The following C16orf87 variants were observed in gnomAD, a reference collection of about 807,000 sequenced individuals.
C16orf87 encodes the protein UPF0547 protein C16orf87.
In C16orf87, 13 loss-of-function variants were observed where a neutral mutation model predicts 21.0. That is an observed-to-expected ratio of 0.62 (90% CI 0.40 to 0.98). C16orf87 has a LOEUF of 0.98. C16orf87 is among the 50% of genes least tolerant of loss of function. C16orf87 has a pLI of 0.00. For missense variants in C16orf87, 113 were observed against 180.4 expected (o/e 0.63, Z 2.14); for synonymous variants, 49 against 60.2 (o/e 0.81, Z 0.86).
rs923428798 is a variant in C16orf87 at position 46,803,188 on chromosome 16, C to T, written c.347-118G>A. The T allele has an allele frequency of 1.1e-5, 5 of 472,458 alleles. No homozygotes were observed. In the East Asian group the frequency reaches 1.7e-4, roughly 16 times the overall value. The allele number at this position is 472,458 out of a possible 1,614,324, so 29.3% of individuals were successfully genotyped here. A position where few individuals can be genotyped will look rare whatever the true frequency, so the allele number is the denominator to read the frequency against. On this transcript the variant is annotated intron_variant, in intron 3 of 3. Transcript: ENST00000285697. ...GTATTATATATAATACTACAATATA[C>T]ATTAAATGTTACTATGCTACTGAAC...
chr16:46,829,919 CTCT>C (rs1440141097), intron 1 of C16orf87, among the ~76,000 whole-genome samples: 1 of 134,296 alleles, frequency 7.4e-6, no homozygotes, highest in Non-Finnish European at 1.5e-5. Context: ...TTTCAAATTA[CTCT>C]TGATTTAAAA....
rs1357028450 is a variant in C16orf87, at chr16:46,813,837, A to G, written c.164-4052T>C. Among the ~76,000 whole-genome samples the G allele has an allele frequency of 2.6e-5, 4 of 152,200 alleles. No homozygotes were observed. The East Asian group carries it at 7.7e-4, about 29-fold the overall frequency. On this transcript the variant is annotated intron_variant, in intron 2 of 3. Transcript: ENST00000285697. ...CAGCCCAAGTTACTTCCTGTAATCT[A>G]CTACAGCTATAATCTGTTATTTATT...
At chr16:46,807,912 C>A in intron 3 of C16orf87, 1 of 407,550 alleles carries the variant, frequency 2.5e-6, no homozygotes, top group Non-Finnish European at 4.8e-6. Context: ...AGTATATAGA[C>A]TTCATTTCCC....
In C16orf87 at chr16:46,809,788, G is replaced by A; in HGVS notation, c.164-3C>T. The stretch of plus-strand genomic sequence containing the variant: ...CCTCTTGGCCTCATGCTTGTTTTCT[G>A]TATGGATGAATAAAAGTGATATATT... On this transcript the variant is annotated splice_region_variant and splice_polypyrimidine_tract_variant and intron_variant, in intron 2 of 3. Coordinates refer to ENST00000285697, the MANE Select transcript of C16orf87 (RefSeq NM_001001436.4). 1 of 1,582,538 alleles carries A rather than the reference G, an allele frequency of 6.3e-7. No homozygotes were observed. The highest frequency in any genetic ancestry group is 8.6e-7 in the Non-Finnish European group (1 of 1,157,982).
At chr16:46,827,124 C>G (rs1959648453) in intron 1 of C16orf87, among the ~76,000 whole-genome samples, 1 of 152,184 alleles carries the variant, frequency 6.6e-6, no homozygotes, top group South Asian at 2.1e-4. Context: ...AATAAACCCT[C>G]ATGTGCCTGA....
At chr16:46,825,041 T>C (rs901052167) in intron 1 of C16orf87, among the ~76,000 whole-genome samples, 18 of 152,210 alleles carry the variant, frequency 1.2e-4, no homozygotes, top group African/African-American at 3.4e-4. Context: ...TAAATATGTA[T>C]TAAATATGCA....
At chr16:46,816,410 T>C (rs1968241781) in intron 2 of C16orf87, among the ~76,000 whole-genome samples, 1 of 152,208 alleles carries the variant, frequency 6.6e-6, no homozygotes, top group Non-Finnish European at 1.5e-5. Flanking sequence ...ACAATAAAAG[T>C]ATTTTCAAAA....
intron 2 of C16orf87, 38 bp from the exon 3 acceptor site, chr16:46,809,823 A>G: frequency 7.3e-7 from 1 of 1,362,182 alleles, no homozygotes. Context: ...TTTAGGGCTT[A>G]GCAAGAACTG....
Position 46,799,680 on chromosome 16 carries a change from G to A in C16orf87, c.*3272C>T, listed in dbSNP as rs531778508. 4 of 152,356 alleles carry A rather than the reference G, an allele frequency of 2.6e-5. No homozygotes were observed. Among genetic ancestry groups the A allele is most frequent in the African/African-American group, 9.6e-5 (4 of 41,584 alleles). The allele number at this position is 152,356 out of a possible 1,614,324, so 9.4% of individuals were successfully genotyped here. A position where few individuals can be genotyped will look rare whatever the true frequency, so the allele number is the denominator to read the frequency against. On this transcript the variant is annotated 3_prime_UTR_variant, in exon 4 of 4. Transcript: ENST00000285697. ...ATTCAATACTTTTTTCACACAGGGTGTTTCTTGCTCTGCCTCCCAGGCTGG... is the reference window on the plus strand; with the variant it reads ...ATTCAATACTTTTTTCACACAGGGTATTTCTTGCTCTGCCTCCCAGGCTGG...
In C16orf87 at chr16:46,801,399, A is replaced by C. The variant is rs1280577414; in HGVS notation, c.*1553T>G. 2 of 151,526 alleles carry C rather than the reference A, an allele frequency of 1.3e-5. No individual in the cohort carries two copies. Among genetic ancestry groups the C allele is most frequent in the African/African-American group, 4.8e-5 (2 of 41,288 alleles). The allele number at this position is 151,526 out of a possible 1,614,324, so 9.4% of individuals were successfully genotyped here. A position where few individuals can be genotyped will look rare whatever the true frequency, so the allele number is the denominator to read the frequency against. On this transcript the variant is annotated 3_prime_UTR_variant, in exon 4 of 4. Transcript: ENST00000285697. ...GCCAGGCGTGGTGGCGCACGCCTCTAGTCACAGCTACTCAGGAGGCTGAGG... is the reference window on the plus strand; with the variant it reads ...GCCAGGCGTGGTGGCGCACGCCTCTCGTCACAGCTACTCAGGAGGCTGAGG...
At position 46,831,177 on chromosome 16, in the gene C16orf87, C is replaced by G. The variant is rs760121852; in HGVS notation, c.-28G>C. 32 of 1,545,382 alleles carry G rather than the reference C, an allele frequency of 2.1e-5. No homozygotes were observed. The South Asian group carries it at 3.6e-4, about 18-fold the overall frequency. ...TCCTCTCCCTTAGCGGCGGCAGCAG[C>G]GACGGCTCGGGCTCCTCCCCTCACA... On this transcript the variant is annotated 5_prime_UTR_variant, in exon 1 of 4. Coordinates refer to ENST00000285697, the MANE Select transcript of C16orf87 (RefSeq NM_001001436.4).
At chr16:46,807,111 T>C (rs1342425014) in intron 3 of C16orf87, among the ~76,000 whole-genome samples, 3 of 152,182 alleles carry the variant, frequency 2.0e-5, no homozygotes, top group Non-Finnish European at 4.4e-5. Context: ...TTGTCCACAT[T>C]ATATTTAAGA....
rs1205592520 is a variant in C16orf87 at position 46,796,833 on chromosome 16, C to T, written c.*6119G>A. ...CAGAAAATATCTGAATGGTTTAAAA[C>T]TTTACATAATCTGATGAAAGGCATA... On this transcript the variant is annotated 3_prime_UTR_variant, in exon 4 of 4. Coordinates refer to ENST00000285697, the MANE Select transcript of C16orf87 (RefSeq NM_001001436.4). 2 of 152,196 alleles carry T rather than the reference C, an allele frequency of 1.3e-5. No homozygotes were observed. Among genetic ancestry groups the T allele is most frequent in the African/African-American group, 4.8e-5 (2 of 41,450 alleles). The allele number at this position is 152,196 out of a possible 1,614,324, so 9.4% of individuals were successfully genotyped here.
At position 46,796,618 on chromosome 16, in the gene C16orf87, TCTTTA is replaced by T. The variant is rs1436525771; in HGVS notation, c.*6329_*6333del. On this transcript the variant is annotated 3_prime_UTR_variant, in exon 4 of 4. Coordinates refer to ENST00000285697, the MANE Select transcript of C16orf87 (RefSeq NM_001001436.4). Reference sequence around the variant, plus strand: ...TACATGATAATGCATATGTTCATTATCTTTACTTTAGACATCCTACAATGTGAACA... The same window carrying T: ...TACATGATAATGCATATGTTCATTATCTTTAGACATCCTACAATGTGAACA... 6.6e-6 allele frequency: 1 copy of T among 152,240 alleles called. No homozygotes were observed. The highest frequency in any genetic ancestry group is 2.4e-5 in the African/African-American group (1 of 41,456). 9.4% of individuals were successfully genotyped at this position (152,240 alleles called of 1,614,324 possible).
At chr16:46,828,062 G>A (rs1959692658) in intron 1 of C16orf87, among the ~76,000 whole-genome samples, 1 of 151,854 alleles carries the variant, frequency 6.6e-6, no homozygotes, top group Non-Finnish European at 1.5e-5. Flanking sequence ...AGCCTCCCGA[G>A]TAGCTGGAAC....
intron 2 of C16orf87, among the ~76,000 whole-genome samples, chr16:46,816,833 G>A (rs1412678585): frequency 1.3e-5 from 2 of 151,952 alleles, no homozygotes; most frequent in Admixed American, 1.3e-4. Flanking sequence ...TTTTTCAAGG[G>A]AAGAAGCATA....
At position 46,824,388 on chromosome 16, in the gene C16orf87, G is replaced by A. The variant is rs938320368; in HGVS notation, c.161C>T (p.Thr54Ile). Residue 54 changes from threonine to isoleucine, a missense_variant and splice_region_variant, in exon 2 of 4, where the codon ACA (threonine) becomes ATA (isoleucine). Coordinates refer to ENST00000285697, the MANE Select transcript of C16orf87 (RefSeq NM_001001436.4). ...AAATGTATTAAACTCACAGTTACCTGTAGAAGGTGGTGATTTCTCTGAGTG... is the reference window on the plus strand; with the variant it reads ...AAATGTATTAAACTCACAGTTACCTATAGAAGGTGGTGATTTCTCTGAGTG... ...AKHSEKSPPS[T>I]ENKHEAKRRR... The A allele has an allele frequency of 3.6e-6, 5 of 1,373,408 alleles. No individual in the cohort carries two copies. The highest frequency in any genetic ancestry group is 2.9e-5 in the African/African-American group (2 of 69,250). 85.1% of individuals were successfully genotyped at this position (1,373,408 alleles called of 1,614,324 possible).
intron 3 of C16orf87, among the ~76,000 whole-genome samples, chr16:46,807,177 A>C (rs752768456): frequency 6.6e-6 from 1 of 152,250 alleles, no homozygotes; most frequent in Admixed American, 6.5e-5. Context: ...TGGCTCATGC[A>C]TGCCTGCAAT....
rs1967810704 is a variant in C16orf87 at position 46,802,683 on chromosome 16, T to C, written c.*269A>G. ...CTTTAACATCCATCCAGCATTTTTG[T>C]TGGTTTTTTTTTGTTGTTGGCAAAT... On this transcript the variant is annotated 3_prime_UTR_variant, in exon 4 of 4. Transcript: ENST00000285697. 1 of 258,286 alleles carries C rather than the reference T, an allele frequency of 3.9e-6. No individual in the cohort carries two copies. Among genetic ancestry groups the C allele is most frequent in the East Asian group, 7.4e-5 (1 of 13,428 alleles). 16.0% of individuals were successfully genotyped at this position (258,286 alleles called of 1,614,324 possible).
Sources: gnomAD v4.1 joint callset for allele counts (sites outside exome capture counted in the v4.1 genomes callset) on GRCh38, gnomAD v4.1.1 for gene constraint, MANE v1.5 for transcripts, NCBI Gene and HGNC (gene_info 2026-07-23, HGNC 2026-07-21) for gene names.